TSNARE1: variants seen among roughly 807,000 people sequenced by gnomAD.
TSNARE1 encodes t-SNARE domain containing 1.
Under a neutral mutation model 62.0 loss-of-function variants are expected in TSNARE1, and 49 were observed. The ratio of observed to expected loss-of-function variants is 0.79; its 90% confidence interval spans 0.63 to 1.00. TSNARE1 has a LOEUF of 1.00. Ranked by LOEUF, TSNARE1 falls within the 50% of genes least tolerant of loss-of-function variation. The pLI is 0.00. For synonymous variants in TSNARE1, 328 were observed against 294.4 expected (o/e 1.11, Z -1.17); for missense variants, 755 against 700.1 (o/e 1.08, Z -0.88).
At chr8:142,218,529 T>C (rs1381490057) in intron 13 of TSNARE1, among the ~76,000 whole-genome samples, 1 of 152,128 alleles carries the variant, frequency 6.6e-6, no homozygotes, top group Non-Finnish European at 1.5e-5. Flanking sequence ...CTCATCCCAC[T>C]CACCACTCTG....
intron 13 of TSNARE1, among the ~76,000 whole-genome samples, chr8:142,224,015 T>A (rs1292178420): frequency 6.7e-6 from 1 of 150,170 alleles, no homozygotes; most frequent in Non-Finnish European, 1.5e-5. Flanking sequence ...TTTCATCCTC[T>A]GAGAGCTATC....
At chr8:142,279,231 G>C (rs1820995946) in intron 11 of TSNARE1, among the ~76,000 whole-genome samples, 1 of 152,244 alleles carries the variant, frequency 6.6e-6, no homozygotes, top group Non-Finnish European at 1.5e-5. Flanking sequence ...GGACAGCCGT[G>C]CTCACCGCTG....
At chr8:142,383,186 AG>A (rs1836889724) in intron 1 of TSNARE1, among the ~76,000 whole-genome samples, 1 of 152,100 alleles carries the variant, frequency 6.6e-6, no homozygotes, top group South Asian at 2.1e-4. Context: ...GACCTAAGGG[AG>A]GGGAGACAGG....
At chr8:142,368,994 C>T (rs1170020639) in intron 1 of TSNARE1, among the ~76,000 whole-genome samples, 1 of 152,204 alleles carries the variant, frequency 6.6e-6, no homozygotes, top group African/African-American at 2.4e-5. Context: ...GTTTGACTGT[C>T]GCAGGGAGAG....
chr8:142,324,108 C>T (rs575569546), intron 6 of TSNARE1, among the ~76,000 whole-genome samples: 5 of 152,298 alleles, frequency 3.3e-5, no homozygotes, highest in South Asian at 4.1e-4. Flanking sequence ...ATGCAATGCC[C>T]GGAACCATAA....
At chr8:142,270,967 G>A in intron 12 of TSNARE1, 1 of 985,524 alleles carries the variant, frequency 1.0e-6, no homozygotes, top group South Asian at 4.7e-5. Context: ...TCCTGGACTG[G>A]AGTTGTCCCG....
At chr8:142,308,021 C>A (rs889154250) in intron 9 of TSNARE1, among the ~76,000 whole-genome samples, 1 of 152,220 alleles carries the variant, frequency 6.6e-6, no homozygotes, top group Non-Finnish European at 1.5e-5. Flanking sequence ...TATGAGCCAA[C>A]CGGAATCCTC....
At chr8:142,215,030 C>T (rs1221083194) in intron 13 of TSNARE1, among the ~76,000 whole-genome samples, 1 of 152,248 alleles carries the variant, frequency 6.6e-6, no homozygotes, top group East Asian at 1.9e-4. Context: ...CCTCATCACA[C>T]TCTGTCCATG....
At chr8:142,375,476 C>G (rs944182739) in intron 1 of TSNARE1, among the ~76,000 whole-genome samples, 5 of 152,202 alleles carry the variant, frequency 3.3e-5, no homozygotes, top group African/African-American at 4.8e-5. Context: ...CAGGCACTGG[C>G]AGGACATGCC....
At chr8:142,234,355 G>T (rs10093260) in intron 12 of TSNARE1, among the ~76,000 whole-genome samples, 2,869 of 151,074 alleles carry the variant, frequency 0.019, 31 homozygotes, top group African/African-American at 0.067. Flanking sequence ...TTCAGGGAAG[G>T]TTCCAAGATG....
At position 142,274,792 on chromosome 8, in the gene TSNARE1, T is replaced by G. The variant is rs567723698; in HGVS notation, c.1435A>C (p.Ser479Arg). The G allele has an allele frequency of 1.8e-5, 28 of 1,574,630 alleles. No individual in the cohort carries two copies. Among genetic ancestry groups the G allele is most frequent in the Non-Finnish European group, 2.2e-5 (26 of 1,160,912 alleles). ...EAARQLLAGA[S>R]RHQLQRHKIK... ...TCACACGGACTTACTTGGTGCCGGC[T>G]GGCTCCAGCCAGGAGCTGGCGGGCT... Residue 479 changes from serine to arginine, a missense_variant, in exon 12 of 14, where the codon AGC (serine) becomes CGC (arginine). Transcript: ENST00000524325.
intron 9 of TSNARE1, among the ~76,000 whole-genome samples, chr8:142,301,074 A>G: frequency 6.6e-6 from 1 of 151,342 alleles, no homozygotes; most frequent in African/African-American, 2.4e-5. Flanking sequence ...TCCCGTCAGG[A>G]GCCCGGCCAC....
chr8:142,277,626 C>G lies in TSNARE1; in HGVS notation c.1364-2763G>C, dbSNP rs549823846. On this transcript the variant is annotated intron_variant, in intron 11 of 13. Transcript: ENST00000524325. ...GAAGTCTGGCCCTGTCCTAAGCACT[C>G]TCGCTTGGGAATTCAACACGTCAGT... 6 of 985,428 alleles carry G rather than the reference C, an allele frequency of 6.1e-6. No individual in the cohort carries two copies. The East Asian group carries it at 5.7e-4, about 93-fold the overall frequency. The allele number at this position is 985,428 out of a possible 1,614,324, so 61.0% of individuals were successfully genotyped here.
intron 13 of TSNARE1, among the ~76,000 whole-genome samples, 181 bp downstream of exon 13, chr8:142,229,269 GGATGGATGGATGGCAGATGGATA>G (rs1816984064): frequency 6.6e-6 from 1 of 151,472 alleles, no homozygotes; most frequent in South Asian, 2.1e-4. Context: ...GTGGATGGGT[GGATGGATGGATGGCAGATGGATA>G]GATGGATGGA....
intron 11 of TSNARE1, among the ~76,000 whole-genome samples, chr8:142,282,551 C>T (rs78372025): frequency 0.14 from 16,210 of 118,668 alleles, 2 homozygotes; most frequent in African/African-American, 0.21. Context: ...TGAGCAGAGG[C>T]GGGACCAGTG....
intron 1 of TSNARE1, among the ~76,000 whole-genome samples, chr8:142,357,486 C>T (rs1228780537): frequency 6.6e-6 from 1 of 152,200 alleles, no homozygotes; most frequent in Non-Finnish European, 1.5e-5. Flanking sequence ...TGGGAGCAAG[C>T]TGCTGGGGGC....
rs528396275 is a variant in TSNARE1, at chr8:142,327,161, G to A, written c.893+3740C>T. ...ATCTACACCCACGCAAACACCTACC[G>A]CAAACATTCACCGCAGCTTTATTCA... is the stretch of plus-strand genomic sequence containing the variant. On this transcript the variant is annotated intron_variant, in intron 6 of 13. Transcript: ENST00000524325. Among the ~76,000 whole-genome samples the A allele has an allele frequency of 7.2e-5, 11 of 152,330 alleles. No individual in the cohort carries two copies. The East Asian group carries it at 7.7e-4, about 11-fold the overall frequency.
At chr8:142,377,827 T>A (rs773260990) in intron 1 of TSNARE1, among the ~76,000 whole-genome samples, 2 of 152,168 alleles carry the variant, frequency 1.3e-5, no homozygotes, top group Non-Finnish European at 1.5e-5. Flanking sequence ...ATCAAGTAGC[T>A]GGAAACGTCC....
intron 5 of TSNARE1, among the ~76,000 whole-genome samples, 184 bp from the exon 6 acceptor site, chr8:142,331,154 C>T (rs1311915372): frequency 6.6e-5 from 10 of 152,228 alleles, no homozygotes; most frequent in African/African-American, 1.4e-4. Flanking sequence ...CATAAGGTCA[C>T]GCCCGCCAGA....
Sources: gnomAD v4.1 joint callset for allele counts (sites outside exome capture counted in the v4.1 genomes callset) on GRCh38, gnomAD v4.1.1 for gene constraint, MANE v1.5 for transcripts, NCBI Gene and HGNC (gene_info 2026-07-23, HGNC 2026-07-21) for gene names.